CFAP20DC: variants seen among roughly 807,000 people sequenced by gnomAD.
CFAP20DC encodes protein CFAP20DC.
In CFAP20DC, 84 loss-of-function variants were observed where a neutral mutation model predicts 101.7. The ratio of observed to expected loss-of-function variants is 0.83; its 90% confidence interval spans 0.69 to 0.99. CFAP20DC has a LOEUF of 0.99. Ranked by LOEUF, CFAP20DC falls within the 50% of genes least tolerant of loss-of-function variation. The pLI, the probability that CFAP20DC is intolerant of heterozygous loss-of-function variation, is 0.00. For missense variants in CFAP20DC, 1,007 were observed against 970.3 expected, an observed-to-expected ratio of 1.04 and a Z score of -0.50; for synonymous variants, 359 against 351.2, an observed-to-expected ratio of 1.02 and a Z score of -0.25.
intron 14 of CFAP20DC, among the ~76,000 whole-genome samples, chr3:58,811,285 C>T (rs540261895): frequency 2.1e-4 from 32 of 152,268 alleles, no homozygotes; most frequent in Non-Finnish European, 2.8e-4. Context: ...GGAGGCATCA[C>T]GTTACCTGAC....
At chr3:58,816,772 C>A (rs1028802120) in intron 14 of CFAP20DC, among the ~76,000 whole-genome samples, 3 of 152,170 alleles carry the variant, frequency 2.0e-5, no homozygotes, top group Admixed American at 2.0e-4. Flanking sequence ...GAAGCTCGAA[C>A]TGGGTGGAGC....
intron 15 of CFAP20DC, among the ~76,000 whole-genome samples, chr3:58,760,748 T>C (rs947226434): frequency 7.9e-5 from 12 of 152,184 alleles, no homozygotes; most frequent in African/African-American, 2.9e-4. Context: ...GCATGAAGGG[T>C]TGTTGAATTT....
At chr3:58,979,801 G>A (rs772525370) in intron 4 of CFAP20DC, among the ~76,000 whole-genome samples, 23 of 150,208 alleles carry the variant, frequency 1.5e-4, no homozygotes, top group Non-Finnish European at 3.4e-4. Flanking sequence ...TTAATGTTTT[G>A]TCCTTGTTTC....
chr3:58,952,185 G>C (rs1014019466), intron 4 of CFAP20DC, among the ~76,000 whole-genome samples: 10 of 152,138 alleles, frequency 6.6e-5, no homozygotes, highest in Admixed American at 5.9e-4. Flanking sequence ...TCAGTGATAC[G>C]TTATTACAGT....
Position 59,011,544 on chromosome 3 carries a change from G to A in CFAP20DC, c.278+28013C>T, listed in dbSNP as rs113599175. ...AGAACAAATCAAACCCAAACTCAGC[G>A]GAAGGAACTAGAGAAAGAAGAACAA... On this transcript the variant is annotated intron_variant, in intron 4 of 16. Transcript: ENST00000482387. Among the ~76,000 whole-genome samples the A allele has an allele frequency of 9.4e-5, 14 of 149,470 alleles. No individual in the cohort carries two copies. The East Asian group carries it at 1.2e-3, about 12-fold the overall frequency.
intron 15 of CFAP20DC, among the ~76,000 whole-genome samples, chr3:58,782,049 C>T (rs1241629696): frequency 1.3e-5 from 2 of 151,842 alleles, no homozygotes; most frequent in Non-Finnish European, 2.9e-5. Context: ...AAACTGAATC[C>T]AACATTATAT....
At chr3:58,771,793 C>T (rs751441662) in intron 15 of CFAP20DC, among the ~76,000 whole-genome samples, 1 of 152,116 alleles carries the variant, frequency 6.6e-6, no homozygotes, top group Non-Finnish European at 1.5e-5. Flanking sequence ...TAATCACATC[C>T]CCACAATTTG....
rs1032477199 is a variant in CFAP20DC at position 59,006,775 on chromosome 3, A to G, written c.278+32782T>C. 2.6e-5 allele frequency among the ~76,000 whole-genome samples: 4 copies of G among 152,162 alleles called. No individual in the cohort carries two copies. Among genetic ancestry groups the G allele is most frequent in the Non-Finnish European group, 5.9e-5 (4 of 68,028 alleles). On this transcript the variant is annotated intron_variant, in intron 4 of 16. Coordinates refer to ENST00000482387, the MANE Select transcript of CFAP20DC (RefSeq NM_001394063.1). This position sits in a 1 kb window ranked among gnomAD's most constrained non-coding sequence, Gnocchi z 4.3. ...ACAAGATGAATGAAGCTTCCAACTAAATTTTGTAATAGTTTCAACTGGACA... is the reference window on the plus strand; with the variant it reads ...ACAAGATGAATGAAGCTTCCAACTAGATTTTGTAATAGTTTCAACTGGACA...
rs200817862 is a variant in CFAP20DC, at chr3:59,047,517, GTA to G, written c.22-265_22-264del. On this transcript the variant is annotated intron_variant, in intron 1 of 16. Transcript: ENST00000482387. Reference sequence around the variant, plus strand: ...TCAATTGTGCCATACAAACCCTACAGTATCTCAGTGGGGGACTCGTTTACTTG... The same window carrying G: ...TCAATTGTGCCATACAAACCCTACAGTCTCAGTGGGGGACTCGTTTACTTG... Among the ~76,000 whole-genome samples the G allele has an allele frequency of 3.3e-3, 495 of 152,250 alleles. 3 individuals are homozygous for G. The highest frequency in any genetic ancestry group is 0.011 in the African/African-American group (457 of 41,554).
Position 59,047,161 on chromosome 3 carries a change from T to A in CFAP20DC, c.111+4A>T. On this transcript the variant is annotated splice_donor_region_variant and intron_variant, in intron 2 of 16. Transcript: ENST00000482387. The stretch of plus-strand genomic sequence containing the variant: ...TTTATGTGGCTCTAATTTCTAATAC[T>A]TACTTTCCAAATCACAGATGGACTA... The A allele has an allele frequency of 6.6e-7, 1 of 1,522,238 alleles. No homozygotes were observed. The highest frequency in any genetic ancestry group is 8.8e-7 in the Non-Finnish European group (1 of 1,135,012). The allele number at this position is 1,522,238 out of a possible 1,614,324, so 94.3% of individuals were successfully genotyped here.
intron 14 of CFAP20DC, among the ~76,000 whole-genome samples, chr3:58,830,045 AC>A (rs2076291594): frequency 6.6e-6 from 1 of 152,206 alleles, no homozygotes; most frequent in African/African-American, 2.4e-5. Flanking sequence ...GAATACTCTA[AC>A]CAGAGTAACC....
chr3:58,890,679 C>T (rs573474511), intron 6 of CFAP20DC, among the ~76,000 whole-genome samples: 107 of 146,928 alleles, frequency 7.3e-4, no homozygotes, highest in Non-Finnish European at 1.2e-3. Flanking sequence ...GGGGTGGTTG[C>T]CAGGCAGAGG....
chr3:59,020,104 T>C (rs2093773122), intron 4 of CFAP20DC, among the ~76,000 whole-genome samples: 1 of 152,110 alleles, frequency 6.6e-6, no homozygotes, highest in Admixed American at 6.6e-5. Context: ...AGATATTTTA[T>C]GTATATGTTT....
chr3:59,037,952 G>T lies in CFAP20DC; in HGVS notation c.278+1605C>A, dbSNP rs542124488. 2.6e-5 allele frequency among the ~76,000 whole-genome samples: 4 copies of T among 152,220 alleles called. No homozygotes were observed. The South Asian group carries it at 8.3e-4, about 32-fold the overall frequency. On this transcript the variant is annotated intron_variant, in intron 4 of 16. Transcript: ENST00000482387. ...CACGGAATACTATGCAGCTGTAAAA[G>T]AGGATGAGTTCATGTCCTTTGCAGG... is the stretch of plus-strand genomic sequence containing the variant.
At chr3:58,768,157 C>A (rs1489423020) in intron 15 of CFAP20DC, among the ~76,000 whole-genome samples, 1 of 152,128 alleles carries the variant, frequency 6.6e-6, no homozygotes, top group Non-Finnish European at 1.5e-5. Flanking sequence ...GACACCCAAC[C>A]TAATAAGGGC....
chr3:59,000,446 T>C (rs893544313), intron 4 of CFAP20DC, among the ~76,000 whole-genome samples: 4 of 152,206 alleles, frequency 2.6e-5, no homozygotes, highest in African/African-American at 9.7e-5. Context: ...AAGACAGTAA[T>C]GCTTGTGTTA....
In CFAP20DC at chr3:58,863,020, G is replaced by A; in HGVS notation, c.1593+538C>T. Reference sequence around the variant, plus strand: ...AATAATTGCAAACAGAAAATCTCCTGTAAGGCAAGTCCCAGCACTAATCCA... The same window carrying A: ...AATAATTGCAAACAGAAAATCTCCTATAAGGCAAGTCCCAGCACTAATCCA... On this transcript the variant is annotated intron_variant, in intron 12 of 16. Coordinates refer to ENST00000482387, the MANE Select transcript of CFAP20DC (RefSeq NM_001394063.1). The surrounding 1 kb of genome is among the most constrained non-coding windows in gnomAD (Gnocchi z 5.9). 1.0e-6 allele frequency: 1 copy of A among 986,114 alleles called. No individual in the cohort carries two copies. Among genetic ancestry groups the A allele is most frequent in the Non-Finnish European group, 1.2e-6 (1 of 830,304 alleles). The allele number at this position is 986,114 out of a possible 1,614,324, so 61.1% of individuals were successfully genotyped here. A position where few individuals can be genotyped will look rare whatever the true frequency, so the allele number is the denominator to read the frequency against.
At chr3:58,759,549 T>C (rs1331728995) in intron 15 of CFAP20DC, among the ~76,000 whole-genome samples, 1 of 152,224 alleles carries the variant, frequency 6.6e-6, no homozygotes, top group Admixed American at 6.5e-5. Context: ...TTAGATCCCA[T>C]TTGTCAATTT....
Position 58,882,771 on chromosome 3 carries a change from G to A in CFAP20DC, c.715+1774C>T, listed in dbSNP as rs2081321609. 1.3e-5 allele frequency among the ~76,000 whole-genome samples: 2 copies of A among 152,140 alleles called. No homozygotes were observed. Among genetic ancestry groups the A allele is most frequent in the Admixed American group, 1.3e-4 (2 of 15,272 alleles). On this transcript the variant is annotated intron_variant, in intron 7 of 16. Coordinates refer to ENST00000482387, the MANE Select transcript of CFAP20DC (RefSeq NM_001394063.1). The surrounding 1 kb of genome is among the most constrained non-coding windows in gnomAD (Gnocchi z 4.2). ...GTAAGCATACAAATTCCCATTGTGTGTGCCTGCATTGCTATCAAAAAGTCC... is the reference window on the plus strand; with the variant it reads ...GTAAGCATACAAATTCCCATTGTGTATGCCTGCATTGCTATCAAAAAGTCC...
Sources: gnomAD v4.1 joint callset for allele counts (sites outside exome capture counted in the v4.1 genomes callset) on GRCh38, gnomAD v4.1.1 for gene constraint, Gnocchi (gnomAD v3.1) non-coding constraint, MANE v1.5 for transcripts, NCBI Gene and HGNC (gene_info 2026-07-23, HGNC 2026-07-21) for gene names.